MTREX: variants seen among roughly 807,000 people sequenced by gnomAD.
MTREX encodes Mtr4 exosome RNA helicase, also known as exosome RNA helicase MTR4.
MTREX carries 76 observed loss-of-function variants against 135.4 expected under a neutral mutation model. The ratio of observed to expected loss-of-function variants is 0.56; its 90% CI spans 0.47 to 0.68. The LOEUF is 0.68. Ranked by LOEUF, MTREX falls within the 30% of genes least tolerant of loss-of-function variation. MTREX has a pLI of 0.00. For synonymous variants in MTREX, 404 were observed against 401.6 expected, an observed-to-expected ratio of 1.01 and a Z score of -0.07; for missense variants, 920 against 1,262.1, an observed-to-expected ratio of 0.73 and a Z score of 4.11.
chr5:55,404,084 AAT>A (rs564477903), intron 21 of MTREX, among the ~76,000 whole-genome samples: 73 of 152,348 alleles, frequency 4.8e-4, no homozygotes, highest in Admixed American at 3.8e-3. Flanking sequence ...AAGCACTAGA[AAT>A]AGAGGACATT....
intron 15 of MTREX, among the ~76,000 whole-genome samples, chr5:55,363,768 G>A (rs1256476366): frequency 1.3e-5 from 2 of 152,080 alleles, no homozygotes; most frequent in African/African-American, 4.8e-5. Flanking sequence ...TTTAGTCTTG[G>A]CAGTTCCCTG....
intron 16 of MTREX, among the ~76,000 whole-genome samples, chr5:55,369,409 A>AC (rs1172195899): frequency 2.6e-5 from 4 of 152,254 alleles, no homozygotes; most frequent in Admixed American, 2.6e-4. Context: ...AGACTGAATA[A>AC]CCAAGTGAAA....
rs914605768 is a variant in MTREX at position 55,323,428 on chromosome 5, CT to C, written c.273-693del. On this transcript the variant is annotated intron_variant, in intron 2 of 26. Transcript: ENST00000230640. Reference sequence around the variant, plus strand: ...GTAGGATTTTGATGAGAATAAGGAACTTTTTTTTTTTGAGACATTGTCTCAC... The same window carrying C: ...GTAGGATTTTGATGAGAATAAGGAACTTTTTTTTTTGAGACATTGTCTCAC... Among the ~76,000 whole-genome samples, 95 of 147,256 alleles carry C rather than the reference CT, an allele frequency of 6.5e-4. No homozygotes were observed. In the Middle Eastern group the frequency reaches 0.01, roughly 16 times the overall value.
rs1561217148 is a variant in MTREX, at chr5:55,425,452, G to C, written c.*680G>C. On this transcript the variant is annotated 3_prime_UTR_variant, in exon 27 of 27. Transcript: ENST00000230640. ...AAAAGGATATACTTTGAGGTGTACA[G>C]ATTAAGCATATAAAAAATTAGAGAC... 6 of 920,422 alleles carry C rather than the reference G, an allele frequency of 6.5e-6. No homozygotes were observed. Among genetic ancestry groups the C allele is most frequent in the Non-Finnish European group, 9.2e-6 (6 of 650,222 alleles). 57.0% of individuals were successfully genotyped at this position (920,422 alleles called of 1,614,324 possible). A position where few individuals can be genotyped will look rare whatever the true frequency, so the allele number is the denominator to read the frequency against.
chr5:55,379,056 G>A (rs1750351370), intron 17 of MTREX, 71 bp from the exon 18 acceptor site: 1 of 958,068 alleles, frequency 1.0e-6, no homozygotes. Context: ...CTAGAATGTA[G>A]GTGTGAAAGG....
intron 18 of MTREX, among the ~76,000 whole-genome samples, chr5:55,386,710 A>G (rs1750486808): frequency 6.6e-6 from 1 of 152,166 alleles, no homozygotes. Flanking sequence ...ATTGGAACCA[A>G]ATCCAACAAC....
At chr5:55,354,764 G>T (rs866015029) in intron 14 of MTREX, among the ~76,000 whole-genome samples, 2 of 152,206 alleles carry the variant, frequency 1.3e-5, no homozygotes, top group African/African-American at 4.8e-5. Context: ...CTAAGGCTGG[G>T]CCCTAGCCCC....
intron 16 of MTREX, among the ~76,000 whole-genome samples, chr5:55,372,908 G>C (rs1750228230): frequency 6.7e-6 from 1 of 149,830 alleles, no homozygotes; most frequent in African/African-American, 2.5e-5. Flanking sequence ...GTGTGTGTGT[G>C]TGTGTGTGTG....
At chr5:55,381,321 G>C (rs1341639303) in intron 18 of MTREX, among the ~76,000 whole-genome samples, 1 of 151,860 alleles carries the variant, frequency 6.6e-6, no homozygotes, top group Non-Finnish European at 1.5e-5. Context: ...TTTTCAACGT[G>C]TTAAGGTAGA....
At chr5:55,373,995 G>T (rs1340778112) in intron 16 of MTREX, among the ~76,000 whole-genome samples, 1 of 152,040 alleles carries the variant, frequency 6.6e-6, no homozygotes, top group Admixed American at 6.6e-5. Context: ...AGGCATGGTG[G>T]CTCATGCCTG....
At chr5:55,331,039 C>T (rs1054131624) in intron 5 of MTREX, among the ~76,000 whole-genome samples, 6 of 151,588 alleles carry the variant, frequency 4.0e-5, no homozygotes, top group South Asian at 4.2e-4. Flanking sequence ...ATTTTGATTT[C>T]GTCAGTGTTT....
intron 1 of MTREX, among the ~76,000 whole-genome samples, chr5:55,321,206 T>C (rs1168723853): frequency 6.6e-6 from 1 of 151,996 alleles, no homozygotes; most frequent in East Asian, 1.9e-4. Flanking sequence ...TTCATTAGAG[T>C]TTCTTATAAC....
intron 21 of MTREX, among the ~76,000 whole-genome samples, chr5:55,405,058 A>T (rs949458896): frequency 2.0e-5 from 3 of 151,748 alleles, no homozygotes; most frequent in Non-Finnish European, 4.4e-5. Flanking sequence ...CAGCCTCCCA[A>T]AGTGCTGGGA....
chr5:55,405,728 G>A (rs1323316091), intron 22 of MTREX, 140 bp downstream of exon 22: 3 of 558,584 alleles, frequency 5.4e-6, no homozygotes, highest in Admixed American at 3.1e-5. Context: ...CTGCAACTCC[G>A]CCTCGCAGTT....
chr5:55,420,504 A>G (rs1375133395), intron 25 of MTREX, among the ~76,000 whole-genome samples: 1 of 152,236 alleles, frequency 6.6e-6, no homozygotes, highest in East Asian at 1.9e-4. Context: ...AAGGTGTTCC[A>G]TTGTAATAAA....
chr5:55,311,588 G>T (rs1300249965), intron 1 of MTREX, among the ~76,000 whole-genome samples: 1 of 152,088 alleles, frequency 6.6e-6, no homozygotes, highest in African/African-American at 2.4e-5. Context: ...GTATCCTCAA[G>T]TATCTTCTGT....
intron 22 of MTREX, among the ~76,000 whole-genome samples, chr5:55,408,165 T>C (rs1239849980): frequency 1.3e-5 from 2 of 152,160 alleles, no homozygotes; most frequent in East Asian, 3.9e-4. Context: ...TCTCCAGCAG[T>C]CTGTTGCCAC....
At chr5:55,423,669 A>C (rs1394460505) in intron 26 of MTREX, 1 of 152,292 alleles carries the variant, frequency 6.6e-6, no homozygotes, top group Non-Finnish European at 1.5e-5. Flanking sequence ...AGCACAGTAG[A>C]AGTGGGGAGA....
At chr5:55,334,829 TA>T (rs545202297) in intron 5 of MTREX, among the ~76,000 whole-genome samples, 1 of 152,112 alleles carries the variant, frequency 6.6e-6, no homozygotes, top group Non-Finnish European at 1.5e-5. Flanking sequence ...TAAGTGGACC[TA>T]TGTTTTCGTT....
Sources: allele counts gnomAD v4.1 joint callset (sites outside exome capture counted in the v4.1 genomes callset), GRCh38; gene constraint gnomAD v4.1.1; transcripts MANE v1.5; gene names NCBI Gene and HGNC (gene_info 2026-07-23, HGNC 2026-07-21).